SCAPER: variants seen among roughly 807,000 people sequenced by gnomAD.
SCAPER encodes S-phase cyclin A associated protein in the ER, also known as S phase cyclin A-associated protein in the endoplasmic reticulum.
In SCAPER, 98 loss-of-function variants were observed where a neutral mutation model predicts 182.2. The ratio of observed to expected loss-of-function variants is 0.54; its 90% CI spans 0.46 to 0.64. The LOEUF (loss-of-function observed/expected upper bound fraction) is 0.64. Ranked by LOEUF, SCAPER falls within the 30% of genes least tolerant of loss-of-function variation. The pLI, the probability that SCAPER is intolerant of heterozygous loss-of-function variation, is 0.00. For synonymous variants in SCAPER, 605 were observed against 564.6 expected (o/e 1.07, Z -1.01); for missense variants, 1,432 against 1,690.0 (o/e 0.85, Z 2.68).
At chr15:76,824,754 A>G (rs543037526) in intron 5 of SCAPER, among the ~76,000 whole-genome samples, 9 of 152,294 alleles carry the variant, frequency 5.9e-5, no homozygotes, top group African/African-American at 1.9e-4. Context: ...AATTTTTAAT[A>G]TAATCTATTT....
chr15:76,481,069 T>C (rs913458561), intron 24 of SCAPER, among the ~76,000 whole-genome samples: 2 of 152,210 alleles, frequency 1.3e-5, no homozygotes, highest in Non-Finnish European at 2.9e-5. Flanking sequence ...ATCATGAACA[T>C]TTATTCTCAG....
At chr15:76,584,937 T>G (rs919395853) in intron 22 of SCAPER, among the ~76,000 whole-genome samples, 1 of 152,140 alleles carries the variant, frequency 6.6e-6, no homozygotes, top group African/African-American at 2.4e-5. Context: ...AACGTTAAAA[T>G]TTTTCAAAGA....
intron 8 of SCAPER, among the ~76,000 whole-genome samples, chr15:76,789,056 G>C (rs1289912112): frequency 6.6e-6 from 1 of 151,998 alleles, no homozygotes; most frequent in Non-Finnish European, 1.5e-5. Flanking sequence ...TAATTGTTTA[G>C]TATGTATCTT....
At position 76,496,620 on chromosome 15, in the gene SCAPER, T is replaced by C. The variant is rs115611998; in HGVS notation, c.2954+8239A>G. Among the ~76,000 whole-genome samples, 1,373 of 152,288 alleles carry C rather than the reference T, an allele frequency of 9.0e-3. 23 individuals carry two copies. Among genetic ancestry groups the C allele is most frequent in the African/African-American group, 0.032 (1,334 of 41,552 alleles). Reference sequence around the variant, plus strand: ...AATGAATGTCATTTTCTATATAGATTATCCAAACTGAGGTTGACAGAAAAA... The same window carrying C: ...AATGAATGTCATTTTCTATATAGATCATCCAAACTGAGGTTGACAGAAAAA... On this transcript the variant is annotated intron_variant, in intron 24 of 31. Coordinates refer to ENST00000563290, the MANE Select transcript of SCAPER (RefSeq NM_020843.4).
At chr15:76,437,927 A>T (rs1277581654) in intron 25 of SCAPER, among the ~76,000 whole-genome samples, 1 of 152,170 alleles carries the variant, frequency 6.6e-6, no homozygotes, top group East Asian at 1.9e-4. Context: ...AAAGATTCTA[A>T]TTTCATAAAA....
At chr15:76,425,634 T>C (rs192838483) in intron 26 of SCAPER, among the ~76,000 whole-genome samples, 321 of 152,336 alleles carry the variant, frequency 2.1e-3, no homozygotes, top group Non-Finnish European at 3.6e-3. Flanking sequence ...TCATTCTCCA[T>C]CCAGCTTTTT....
chr15:76,399,948 T>A (rs538824008), intron 27 of SCAPER, among the ~76,000 whole-genome samples: 1 of 145,184 alleles, frequency 6.9e-6, no homozygotes, highest in Admixed American at 7.2e-5. Flanking sequence ...GAGGTTACAG[T>A]GAGCCGAGAT....
intron 22 of SCAPER, among the ~76,000 whole-genome samples, chr15:76,577,880 G>A (rs2047967444): frequency 6.6e-6 from 1 of 151,834 alleles, no homozygotes; most frequent in Non-Finnish European, 1.5e-5. Flanking sequence ...CCACAGTAGG[G>A]CAGAGCAACA....
At position 76,665,703 on chromosome 15, in the gene SCAPER, C is replaced by A; in HGVS notation, c.2595G>T (p.Arg865=). The change falls in exon 21 of 32, where the codon CGG becomes CGT. Residue 865 remains arginine, a synonymous_variant. Transcript: ENST00000563290. ...PAEALKDGEE[R]QKNKKKAKKI... ...TTTTGGCTTTTTTTTTATTTTTTTG[C>A]CGCTCTTCTCCATCTTTCAAAGCTT... 1 of 1,570,812 alleles carries A rather than the reference C, an allele frequency of 6.4e-7. No homozygotes were observed. Among genetic ancestry groups the A allele is most frequent in the Non-Finnish European group, 8.6e-7 (1 of 1,158,372 alleles).
At chr15:76,587,569 T>C (rs1818513335) in intron 22 of SCAPER, among the ~76,000 whole-genome samples, 1 of 152,230 alleles carries the variant, frequency 6.6e-6, no homozygotes, top group Admixed American at 6.5e-5. Context: ...GGTTATTTAA[T>C]TTCCATGTAT....
intron 26 of SCAPER, among the ~76,000 whole-genome samples, chr15:76,431,136 T>G (rs971942867): frequency 7.8e-5 from 10 of 128,130 alleles, no homozygotes; most frequent in Admixed American, 7.7e-4. Context: ...ACCCTCTTTT[T>G]TTCTCAGCCT....
At chr15:76,789,149 T>C (rs999929263) in intron 8 of SCAPER, among the ~76,000 whole-genome samples, 4 of 152,190 alleles carry the variant, frequency 2.6e-5, no homozygotes, top group African/African-American at 9.6e-5. Flanking sequence ...TAATATCCAG[T>C]CTGTGTTCAA....
intron 17 of SCAPER, among the ~76,000 whole-genome samples, chr15:76,708,582 T>A (rs1039368546): frequency 6.6e-5 from 10 of 151,810 alleles, no homozygotes; most frequent in African/African-American, 2.2e-4. Flanking sequence ...GCAAAGCTAA[T>A]CAAACCCAAA....
At position 76,603,083 on chromosome 15, in the gene SCAPER, G is replaced by A. The variant is rs1312460150; in HGVS notation, c.2711+18681C>T. On this transcript the variant is annotated intron_variant, in intron 22 of 31. Transcript: ENST00000563290. ...AAGTTTTAGGGTACATGTGCACAAC[G>A]TGCAGGTTAGTTACATATGTATACA... Among the ~76,000 whole-genome samples, 3 of 113,266 alleles carry A rather than the reference G, an allele frequency of 2.6e-5. 1 individual carries two copies. Among genetic ancestry groups the A allele is most frequent in the South Asian group, 2.8e-4 (1 of 3,542 alleles). 74.3% of individuals were successfully genotyped at this position (113,266 alleles called of 152,430 possible). A position where few individuals can be genotyped will look rare whatever the true frequency, so the allele number is the denominator to read the frequency against.
intron 23 of SCAPER, among the ~76,000 whole-genome samples, chr15:76,516,694 T>G (rs2042453644): frequency 6.6e-6 from 1 of 152,210 alleles, no homozygotes; most frequent in Admixed American, 6.5e-5. Context: ...TGTGTCTTTA[T>G]AGTAGAATGA....
intron 30 of SCAPER, among the ~76,000 whole-genome samples, chr15:76,352,147 T>C (rs951783026): frequency 6.6e-6 from 1 of 152,214 alleles, no homozygotes; most frequent in Non-Finnish European, 1.5e-5. Context: ...TGTTGAAGCC[T>C]CTCTGCCCAC....
intron 24 of SCAPER, among the ~76,000 whole-genome samples, chr15:76,491,464 C>T (rs2052299556): frequency 6.6e-6 from 1 of 152,100 alleles, no homozygotes. Flanking sequence ...TTTGAGGTAA[C>T]TACCCAGGTG....
intron 29 of SCAPER, among the ~76,000 whole-genome samples, chr15:76,358,918 T>A (rs1456632277): frequency 1.3e-5 from 2 of 152,214 alleles, no homozygotes; most frequent in Admixed American, 6.5e-5. Flanking sequence ...TCAAGAGTGC[T>A]GGTGTTAGGC....
intron 20 of SCAPER, among the ~76,000 whole-genome samples, chr15:76,697,578 ATTG>A (rs1187676203): frequency 1.3e-5 from 2 of 152,178 alleles, no homozygotes; most frequent in Admixed American, 6.5e-5. Flanking sequence ...TTCCAGAAAA[ATTG>A]TTAAGTTTTT....
Sources: gnomAD v4.1 joint callset for allele counts (sites outside exome capture counted in the v4.1 genomes callset) on GRCh38, gnomAD v4.1.1 for gene constraint, MANE v1.5 for transcripts, NCBI Gene and HGNC (gene_info 2026-07-23, HGNC 2026-07-21) for gene names.